OPCML: variants seen among roughly 807,000 people sequenced by gnomAD.
OPCML encodes opioid-binding protein/cell adhesion molecule.
OPCML carries 13 observed loss-of-function variants against 37.8 expected under a neutral mutation model. The ratio of observed to expected loss-of-function variants is 0.34; its 90% confidence interval spans 0.22 to 0.55. The LOEUF is 0.55. OPCML is among the 20% of genes least tolerant of loss of function. The probability of loss-of-function intolerance (pLI) is 0.91; values close to 1 mark genes in which losing one functional copy is unlikely to be tolerated. For missense variants in OPCML, 341 were observed against 435.6 expected (o/e 0.78, Z 1.93); for synonymous variants, 176 against 168.8 (o/e 1.04, Z -0.33).
intron 2 of OPCML, among the ~76,000 whole-genome samples, chr11:132,729,276 C>CT (rs1346760520): frequency 6.6e-6 from 1 of 152,096 alleles, no homozygotes; most frequent in East Asian, 1.9e-4. Flanking sequence ...ACCCAGGCAG[C>CT]TTTTTTTAAA....
At chr11:132,725,155 G>T (rs1944831239) in intron 2 of OPCML, among the ~76,000 whole-genome samples, 1 of 152,222 alleles carries the variant, frequency 6.6e-6, no homozygotes, top group African/African-American at 2.4e-5. Context: ...CCTAGCAGAG[G>T]TTCTCCATGA....
intron 1 of OPCML, among the ~76,000 whole-genome samples, chr11:132,971,489 C>T (rs1368243380): frequency 1.3e-5 from 2 of 152,228 alleles, no homozygotes; most frequent in African/African-American, 4.8e-5. Context: ...CAGCCCCACC[C>T]CATTCTTGAT....
At position 132,678,327 on chromosome 11, in the gene OPCML, T is replaced by C. The variant is rs180689466; in HGVS notation, c.147-21008A>G. ...AAAATGATATGGCCAATTTGAAAGA[T>C]AGGTTGACAGTTTTGTACAAAATTA... On this transcript the variant is annotated intron_variant, in intron 2 of 7. Coordinates refer to ENST00000524381, the MANE Select transcript of OPCML (RefSeq NM_001012393.5). Among the ~76,000 whole-genome samples the C allele has an allele frequency of 4.6e-5, 7 of 152,318 alleles. No homozygotes were observed. The East Asian group carries it at 1.2e-3, about 25-fold the overall frequency.
chr11:133,018,914 A>G (rs182350906), intron 1 of OPCML, among the ~76,000 whole-genome samples: 1 of 152,346 alleles, frequency 6.6e-6, no homozygotes, highest in Admixed American at 6.5e-5. Flanking sequence ...CATGAGCCAC[A>G]GGGATGATAC....
At chr11:133,472,848 A>T (rs569301739) in intron 1 of OPCML, among the ~76,000 whole-genome samples, 181 of 152,102 alleles carry the variant, frequency 1.2e-3, no homozygotes, top group African/African-American at 4.0e-3. Context: ...TGGAGATACT[A>T]ACAGGATCCT....
At chr11:133,217,947 G>T (rs995639332) in intron 1 of OPCML, among the ~76,000 whole-genome samples, 2 of 151,978 alleles carry the variant, frequency 1.3e-5, no homozygotes, top group African/African-American at 4.8e-5. Flanking sequence ...CTGGGAGGCT[G>T]AGCGGGGAGG....
In OPCML at chr11:133,458,574, CGTGTGTGTACACATATATACACGT is replaced by C. The variant is rs1946765045; in HGVS notation, c.61+73666_61+73689del. 2.2e-4 allele frequency among the ~76,000 whole-genome samples: 19 copies of C among 85,792 alleles called. 1 individual carries two copies. The highest frequency in any genetic ancestry group is 6.2e-4 in the African/African-American group (5 of 8,118). The allele number at this position is 85,792 out of a possible 152,430, so 56.3% of individuals were successfully genotyped here. On this transcript the variant is annotated intron_variant, in intron 1 of 7. Coordinates refer to ENST00000524381, the MANE Select transcript of OPCML (RefSeq NM_001012393.5). ...GTGTGTGTGTATACACATATATACA[CGTGTGTGTACACATATATACACGT>C]GTGTGTGTGTATACACATATATACA...
At chr11:133,057,351 G>A (rs1251387249) in intron 1 of OPCML, among the ~76,000 whole-genome samples, 1 of 152,196 alleles carries the variant, frequency 6.6e-6, no homozygotes, top group African/African-American at 2.4e-5. Context: ...AAAGGCTGCT[G>A]GATTTGGTGC....
chr11:133,337,903 C>T (rs1280957337), intron 1 of OPCML, among the ~76,000 whole-genome samples: 7 of 151,978 alleles, frequency 4.6e-5, no homozygotes, highest in Admixed American at 4.6e-4. Flanking sequence ...CACTGATCCC[C>T]ACCACTCATT....
chr11:132,521,307 G>C (rs1396007217), intron 4 of OPCML, among the ~76,000 whole-genome samples: 1 of 152,000 alleles, frequency 6.6e-6, no homozygotes, highest in Non-Finnish European at 1.5e-5. Context: ...ATTGCAAAAA[G>C]TTTCTCCCAT....
rs944391119 is a variant in OPCML at position 133,173,671 on chromosome 11, C to T, written c.62-230661G>A. Among the ~76,000 whole-genome samples the T allele has an allele frequency of 1.3e-5, 2 of 152,188 alleles. No homozygotes were observed. Among genetic ancestry groups the T allele is most frequent in the Non-Finnish European group, 2.9e-5 (2 of 68,028 alleles). On this transcript the variant is annotated intron_variant, in intron 1 of 7. Transcript: ENST00000524381. The surrounding 1 kb of genome is among the most constrained non-coding windows in gnomAD (Gnocchi z 7.8). ...GGCTAACGTAAGGGTAGACACCTCC[C>T]TGCAGATAATAACGAGAACCATCAG...
chr11:132,755,150 CA>C (rs1945993207), intron 2 of OPCML, among the ~76,000 whole-genome samples: 1 of 152,136 alleles, frequency 6.6e-6, no homozygotes, highest in Admixed American at 6.5e-5. Context: ...TCCTATGGTT[CA>C]ACCTAAATAT....
At chr11:133,394,895 T>A (rs1378655161) in intron 1 of OPCML, among the ~76,000 whole-genome samples, 1 of 152,250 alleles carries the variant, frequency 6.6e-6, no homozygotes, top group Non-Finnish European at 1.5e-5. Flanking sequence ...TACCCATAAA[T>A]GGGATTGCTA....
intron 1 of OPCML, among the ~76,000 whole-genome samples, chr11:133,249,862 C>T (rs1941067262): frequency 6.6e-6 from 1 of 152,140 alleles, no homozygotes; most frequent in African/African-American, 2.4e-5. Flanking sequence ...AGCCTGAGCA[C>T]ATCTTGTCAG....
At chr11:133,512,284 C>A (rs536862936) in intron 1 of OPCML, among the ~76,000 whole-genome samples, 89 of 152,284 alleles carry the variant, frequency 5.8e-4, no homozygotes, top group African/African-American at 2.0e-3. Flanking sequence ...TTTACTAGAG[C>A]GGCTCACAAA....
intron 1 of OPCML, among the ~76,000 whole-genome samples, chr11:133,078,865 C>A (rs1371402629): frequency 3.3e-5 from 5 of 152,166 alleles, no homozygotes; most frequent in Middle Eastern, 3.2e-3. Context: ...TCATACACTC[C>A]TTATGCTATG....
intron 7 of OPCML, among the ~76,000 whole-genome samples, chr11:132,424,207 C>T (rs951468998): frequency 4.6e-5 from 7 of 151,978 alleles, no homozygotes; most frequent in African/African-American, 1.7e-4. Flanking sequence ...GCAAGCTCCA[C>T]CTCCTGGGTT....
At chr11:133,404,458 C>T (rs1249593616) in intron 1 of OPCML, among the ~76,000 whole-genome samples, 4 of 152,184 alleles carry the variant, frequency 2.6e-5, no homozygotes, top group Non-Finnish European at 5.9e-5. Flanking sequence ...ATGCCTCCAC[C>T]TCATGTGTTA....
At chr11:132,756,837 T>A (rs898329825) in intron 2 of OPCML, among the ~76,000 whole-genome samples, 1 of 152,184 alleles carries the variant, frequency 6.6e-6, no homozygotes, top group Admixed American at 6.5e-5. Flanking sequence ...ACGTGCAGGT[T>A]TGTTACATAG....
Sources: allele counts gnomAD v4.1 joint callset (sites outside exome capture counted in the v4.1 genomes callset), GRCh38; gene constraint gnomAD v4.1.1; non-coding constraint Gnocchi (gnomAD v3.1); transcripts MANE v1.5; gene names NCBI Gene and HGNC (gene_info 2026-07-23, HGNC 2026-07-21).